The following RPAP3 variants were observed in gnomAD, a reference collection of about 807,000 sequenced individuals.
The protein encoded by RPAP3 is RNA polymerase II-associated protein 3.
Under a neutral mutation model 88.8 loss-of-function variants are expected in RPAP3, and 58 were observed. The ratio of observed to expected loss-of-function variants is 0.65; its 90% CI spans 0.53 to 0.81. The LOEUF is 0.81. RPAP3 is among the 40% of genes least tolerant of loss of function. The pLI, the probability that RPAP3 is intolerant of heterozygous loss-of-function variation, is 0.00. For missense variants in RPAP3, 751 were observed against 764.3 expected, an observed-to-expected ratio of 0.98 and a Z score of 0.20; for synonymous variants, 255 against 259.9, an observed-to-expected ratio of 0.98 and a Z score of 0.18.
intron 7 of RPAP3, 72 bp from the exon 8 acceptor site, chr12:47,688,073 T>C (rs1333739822): frequency 2.5e-5 from 32 of 1,265,264 alleles, no homozygotes; most frequent in Non-Finnish European, 3.3e-5. Flanking sequence ...CCTTAAAACA[T>C]AAATACCTCA....
chr12:47,694,458 T>C (rs1939484432), intron 5 of RPAP3, among the ~76,000 whole-genome samples: 1 of 152,212 alleles, frequency 6.6e-6, no homozygotes, highest in African/African-American at 2.4e-5. Context: ...AACTATTTTT[T>C]TGAACAAATC....
At chr12:47,691,936 A>G (rs1939438071) in intron 5 of RPAP3, among the ~76,000 whole-genome samples, 1 of 152,038 alleles carries the variant, frequency 6.6e-6, no homozygotes, top group Non-Finnish European at 1.5e-5. Context: ...TAGTAGAGAC[A>G]GGGTTTCACC....
chr12:47,696,050 A>G, intron 5 of RPAP3: 3 of 340,332 alleles, frequency 8.8e-6, no homozygotes, highest in Non-Finnish European at 1.6e-5. Context: ...TTAGAGGAAT[A>G]CCTCAGTAAA....
rs372539547 is a variant in RPAP3 at position 47,666,988 on chromosome 12, T to C, written c.1904A>G (p.Glu635Gly). 2.2e-5 allele frequency: 34 copies of C among 1,514,292 alleles called. No homozygotes were observed. The highest frequency in any genetic ancestry group is 3.0e-5 in the Non-Finnish European group (34 of 1,131,618). 93.8% of individuals were successfully genotyped at this position (1,514,292 alleles called of 1,614,324 possible). A position where few individuals can be genotyped will look rare whatever the true frequency, so the allele number is the denominator to read the frequency against. ...DMAVMFMSET[E>G]KKIARALFNH... Reference sequence around the variant, plus strand: ...ACTTTCATAGAACTTACTCTTTTTCTCTGTTTCTGACATAAACATCACTGC... The same window carrying C: ...ACTTTCATAGAACTTACTCTTTTTCCCTGTTTCTGACATAAACATCACTGC... Residue 635 changes from glutamate to glycine, a missense_variant, in exon 16 of 17, where the codon GAG becomes GGG. Coordinates refer to ENST00000005386, the MANE Select transcript of RPAP3 (RefSeq NM_024604.3).
At chr12:47,696,831 T>C (rs1430728146) in intron 4 of RPAP3, among the ~76,000 whole-genome samples, 3 of 152,266 alleles carry the variant, frequency 2.0e-5, no homozygotes, top group Non-Finnish European at 4.4e-5. Context: ...GTATTATCCA[T>C]ACTGCTTCCG....
At chr12:47,664,460 G>A (rs1452982791) in intron 16 of RPAP3, 2 of 152,084 alleles carry the variant, frequency 1.3e-5, no homozygotes, top group African/African-American at 2.4e-5. Context: ...CTGATCGGTC[G>A]ACACTCAACA....
chr12:47,702,730 T>G lies in RPAP3; in HGVS notation c.111A>C (p.Gln37His). The G allele has an allele frequency of 6.2e-7, 1 of 1,612,286 alleles. No homozygotes were observed. The highest frequency in any genetic ancestry group is 1.1e-5 in the South Asian group (1 of 90,726). Residue 37 changes from glutamine (Q) to histidine (H), a missense_variant, in exon 2 of 17, where the codon CAA (glutamine) becomes CAC (histidine). Transcript: ENST00000005386. ...TCTGTCTTCTTAGTTCCATATCCTT[T>G]TGTTTAATGTCTTTTTCCCAGTTTT... ...DLENWEKDIK[Q>H]KDMELRRQNG...
chr12:47,664,106 T>C (rs1235552072), intron 16 of RPAP3, among the ~76,000 whole-genome samples: 1 of 152,176 alleles, frequency 6.6e-6, no homozygotes, highest in Non-Finnish European at 1.5e-5. Context: ...AATAAGATCA[T>C]GGGCCAGGCG....
intron 12 of RPAP3, among the ~76,000 whole-genome samples, chr12:47,673,600 C>T (rs1939045304): frequency 6.6e-6 from 1 of 152,026 alleles, no homozygotes; most frequent in Non-Finnish European, 1.5e-5. Context: ...AAAAATACCT[C>T]CTCTGACTTC....
chr12:47,681,615 TG>T, intron 10 of RPAP3, 80 bp downstream of exon 10: 1 of 1,414,454 alleles, frequency 7.1e-7, no homozygotes, highest in Non-Finnish European at 9.7e-7. Context: ...CTTTGAACCA[TG>T]GGTAAGCTAC....
At chr12:47,669,827 A>G (rs1414062175) in intron 13 of RPAP3, among the ~76,000 whole-genome samples, 1 of 152,228 alleles carries the variant, frequency 6.6e-6, no homozygotes, top group Non-Finnish European at 1.5e-5. Context: ...CTAAATAATA[A>G]AACTGAAATC....
intron 6 of RPAP3, 37 bp downstream of exon 6, chr12:47,690,481 C>T: frequency 1.9e-6 from 3 of 1,550,804 alleles, no homozygotes; most frequent in Non-Finnish European, 1.7e-6. Context: ...TGAGATAACA[C>T]TGTTAAAGAA....
chr12:47,678,979 G>A (rs1378125303), intron 12 of RPAP3, among the ~76,000 whole-genome samples: 1 of 152,172 alleles, frequency 6.6e-6, no homozygotes, highest in Admixed American at 6.5e-5. Context: ...ATTCACAATA[G>A]CAAAGACTTG....
intron 12 of RPAP3, among the ~76,000 whole-genome samples, chr12:47,672,945 T>A (rs1049954646): frequency 6.6e-6 from 1 of 152,176 alleles, no homozygotes; most frequent in Non-Finnish European, 1.5e-5. Flanking sequence ...GACAGTGACG[T>A]CTAACAAAGG....
rs1035641882 is a variant in RPAP3 at position 47,691,747 on chromosome 12, T to C, written c.546-1108A>G. Among the ~76,000 whole-genome samples the C allele has an allele frequency of 9.9e-5, 15 of 151,920 alleles. 1 individual carries two copies. Among genetic ancestry groups the C allele is most frequent in the African/African-American group, 3.4e-4 (14 of 41,322 alleles). On this transcript the variant is annotated intron_variant, in intron 5 of 16. Coordinates refer to ENST00000005386, the MANE Select transcript of RPAP3 (RefSeq NM_024604.3). Reference sequence around the variant, plus strand: ...GTACACTACTTTGAAATAAATCCTTTTTTTTTTCTTTTTTTTTGAGACAGA... The same window carrying C: ...GTACACTACTTTGAAATAAATCCTTCTTTTTTTCTTTTTTTTTGAGACAGA...
At chr12:47,690,161 T>C (rs1295469636) in intron 6 of RPAP3, among the ~76,000 whole-genome samples, 2 of 152,176 alleles carry the variant, frequency 1.3e-5, no homozygotes, top group Non-Finnish European at 2.9e-5. Context: ...ATAGAAGGCT[T>C]AGAATTTATA....
chr12:47,681,363 T>C (rs1939218341), intron 10 of RPAP3, among the ~76,000 whole-genome samples: 1 of 152,196 alleles, frequency 6.6e-6, no homozygotes, highest in African/African-American at 2.4e-5. Flanking sequence ...AGTGAGTCCC[T>C]TTCGCTCAAC....
At chr12:47,675,159 T>G (rs1283611074) in intron 12 of RPAP3, among the ~76,000 whole-genome samples, 1 of 152,084 alleles carries the variant, frequency 6.6e-6, no homozygotes, top group Non-Finnish European at 1.5e-5. Flanking sequence ...GCTTCCTAAG[T>G]GAAGGAGAAA....
At chr12:47,676,570 C>T (rs1421960780) in intron 12 of RPAP3, among the ~76,000 whole-genome samples, 2 of 152,112 alleles carry the variant, frequency 1.3e-5, no homozygotes, top group East Asian at 3.8e-4. Context: ...GGGATATCAC[C>T]ACTGATCCCA....
Sources: gnomAD v4.1 joint callset for allele counts (sites outside exome capture counted in the v4.1 genomes callset) on GRCh38, gnomAD v4.1.1 for gene constraint, MANE v1.5 for transcripts, NCBI Gene and HGNC (gene_info 2026-07-23, HGNC 2026-07-21) for gene names.